The following WWTR1 variants were observed in gnomAD, a reference collection of about 807,000 sequenced individuals.
The protein encoded by WWTR1 is WW domain containing transcription regulator 1.
Under a neutral mutation model 40.1 loss-of-function variants are expected in WWTR1, and 13 were observed. The ratio of observed to expected loss-of-function variants is 0.32; its 90% CI spans 0.21 to 0.52. WWTR1 has a LOEUF of 0.52. Among genes scored for constraint, WWTR1 ranks in the 20% least tolerant of loss-of-function variants. The probability of loss-of-function intolerance (pLI) is 0.97; values close to 1 mark genes in which losing one functional copy is unlikely to be tolerated. For missense variants in WWTR1, 436 were observed against 523.1 expected, an observed-to-expected ratio of 0.83 and a Z score of 1.63; for synonymous variants, 230 against 210.1, an observed-to-expected ratio of 1.09 and a Z score of -0.82.
intron 1 of WWTR1, among the ~76,000 whole-genome samples, chr3:149,680,091 C>T (rs1417385134): frequency 2.6e-5 from 4 of 152,166 alleles, no homozygotes; most frequent in Non-Finnish European, 5.9e-5. Context: ...GGTGACCACA[C>T]AATTTACTGT....
At position 149,634,073 on chromosome 3, in the gene WWTR1, G is replaced by A. The variant is rs191270075; in HGVS notation, c.431+22803C>T. 4.1e-3 allele frequency among the ~76,000 whole-genome samples: 619 copies of A among 152,210 alleles called. 5 individuals are homozygous for A. Among genetic ancestry groups the A allele is most frequent in the African/African-American group, 0.014 (589 of 41,534 alleles). On this transcript the variant is annotated intron_variant, in intron 2 of 6. Transcript: ENST00000360632. The stretch of plus-strand genomic sequence containing the variant: ...TCACACAGTAGGGTGGAGGCAACAG[G>A]AATGGAGAAAGAGGAAGGAAAGATG...
At chr3:149,685,492 A>G (rs1218390111) in intron 1 of WWTR1, among the ~76,000 whole-genome samples, 1 of 152,042 alleles carries the variant, frequency 6.6e-6, no homozygotes, top group East Asian at 1.9e-4. Context: ...TCTGAGAGAT[A>G]CTCCTGTATC....
intron 2 of WWTR1, among the ~76,000 whole-genome samples, chr3:149,637,052 T>C (rs1031318395): frequency 6.7e-6 from 1 of 149,178 alleles, no homozygotes; most frequent in East Asian, 2.0e-4. Flanking sequence ...TCATAGCATA[T>C]AGAATAAAAA....
At chr3:149,600,154 T>C (rs1032110846) in intron 2 of WWTR1, among the ~76,000 whole-genome samples, 1 of 152,174 alleles carries the variant, frequency 6.6e-6, no homozygotes, top group Non-Finnish European at 1.5e-5. Flanking sequence ...AATTTTTGTA[T>C]CTTCCAGGGT....
chr3:149,614,614 C>T lies in WWTR1; in HGVS notation c.432-41614G>A, dbSNP rs192827796. On this transcript the variant is annotated intron_variant, in intron 2 of 6. Transcript: ENST00000360632. ...AAATGTTTGATTCTACATCTTCCTC[C>T]AAAATCATTAAGGCTCTTTTGACCT... is the stretch of plus-strand genomic sequence containing the variant. 4.2e-3 allele frequency among the ~76,000 whole-genome samples: 645 copies of T among 152,292 alleles called. 3 individuals carry two copies. The highest frequency in any genetic ancestry group is 0.015 in the African/African-American group (610 of 41,552).
chr3:149,553,135 A>C (rs930407385), intron 3 of WWTR1, among the ~76,000 whole-genome samples: 3 of 152,174 alleles, frequency 2.0e-5, no homozygotes, highest in Non-Finnish European at 4.4e-5. Flanking sequence ...AGAGATGAAG[A>C]ATATTGGAAG....
chr3:149,582,251 C>T (rs1441475690), intron 2 of WWTR1, among the ~76,000 whole-genome samples: 1 of 151,718 alleles, frequency 6.6e-6, no homozygotes, highest in Non-Finnish European at 1.5e-5. Flanking sequence ...CTTGCTTAAC[C>T]TCATTTTTCC....
chr3:149,644,833 T>C (rs981190517), intron 2 of WWTR1, among the ~76,000 whole-genome samples: 1 of 152,116 alleles, frequency 6.6e-6, no homozygotes, highest in African/African-American at 2.4e-5. Context: ...AGGTGGGCAG[T>C]ACTTTTACTG....
intron 3 of WWTR1, among the ~76,000 whole-genome samples, chr3:149,558,287 A>T (rs558259796): frequency 3.6e-4 from 53 of 148,612 alleles, no homozygotes; most frequent in African/African-American, 8.5e-4. Flanking sequence ...TAAATAAATT[A>T]AAAAAAAAAC....
intron 2 of WWTR1, among the ~76,000 whole-genome samples, chr3:149,589,135 A>G (rs887895151): frequency 1.3e-5 from 2 of 152,158 alleles, no homozygotes; most frequent in African/African-American, 2.4e-5. Context: ...CCTGTACTTC[A>G]CAGGACAATC....
At chr3:149,623,326 G>T (rs568584641) in intron 2 of WWTR1, among the ~76,000 whole-genome samples, 2 of 152,204 alleles carry the variant, frequency 1.3e-5, no homozygotes, top group Non-Finnish European at 2.9e-5. Context: ...TTGTGCCACT[G>T]CACTCCAGCC....
chr3:149,716,976 GAC>G (rs1157882726), intron 5 of WWTR1, among the ~76,000 whole-genome samples: 1 of 152,102 alleles, frequency 6.6e-6, no homozygotes, highest in Non-Finnish European at 1.5e-5. Flanking sequence ...CAGAGTTCGA[GAC>G]CAGACTGGGC....
intron 1 of WWTR1, among the ~76,000 whole-genome samples, chr3:149,685,841 A>G (rs1353861324): frequency 6.6e-6 from 1 of 152,184 alleles, no homozygotes; most frequent in African/African-American, 2.4e-5. Flanking sequence ...GGCATATGTA[A>G]TATAACATAT....
intron 1 of WWTR1, among the ~76,000 whole-genome samples, chr3:149,679,611 G>C (rs970905399): frequency 2.0e-5 from 3 of 151,822 alleles, no homozygotes; most frequent in Admixed American, 6.6e-5. Context: ...ACCTCTGTTG[G>C]GAGTTCAGGG....
intron 5 of WWTR1, among the ~76,000 whole-genome samples, chr3:149,713,552 T>A (rs1469148989): frequency 6.6e-6 from 1 of 152,082 alleles, no homozygotes; most frequent in Non-Finnish European, 1.5e-5. Context: ...GACTAATTTT[T>A]GTATTTTTAG....
chr3:149,570,796 G>C (rs1021890760), intron 3 of WWTR1, among the ~76,000 whole-genome samples: 2 of 152,086 alleles, frequency 1.3e-5, no homozygotes, highest in African/African-American at 2.4e-5. Context: ...TCAATATCTA[G>C]TTCCAAGCAT....
In WWTR1 at chr3:149,657,054, C is replaced by G. The variant is rs1197717753; in HGVS notation, c.253G>C (p.Val85Leu). ...GACGCGGGCGACGAGTGCGAGCGGA[C>G]ATGCTGGGCACCCCCAGCCAGTCGA... ...GPRLAGGAQH[V>L]RSHSSPASLQ... Residue 85 changes from valine (V) to leucine (L), a missense_variant, in exon 2 of 7, where the codon GTC (valine) becomes CTC (leucine). Transcript: ENST00000360632. 1.3e-6 allele frequency: 2 copies of G among 1,574,150 alleles called. No individual in the cohort carries two copies. Among genetic ancestry groups the G allele is most frequent in the Non-Finnish European group, 1.7e-6 (2 of 1,164,640 alleles).
intron 4 of WWTR1, among the ~76,000 whole-genome samples, chr3:149,537,035 A>G (rs753923897): frequency 1.6e-4 from 24 of 152,234 alleles, no homozygotes; most frequent in Non-Finnish European, 2.9e-4. Context: ...GTTCTTTTAG[A>G]TAAACAGGCA....
intron 5 of WWTR1, among the ~76,000 whole-genome samples, chr3:149,713,530 G>C (rs933317119): frequency 6.6e-6 from 1 of 151,882 alleles, no homozygotes; most frequent in South Asian, 2.1e-4. Flanking sequence ...ACAGGTACCC[G>C]CCACCACGCC....
Sources: gnomAD v4.1 joint callset for allele counts (sites outside exome capture counted in the v4.1 genomes callset) on GRCh38, gnomAD v4.1.1 for gene constraint, MANE v1.5 for transcripts, NCBI Gene and HGNC (gene_info 2026-07-23, HGNC 2026-07-21) for gene names.